The following BEST1 variants were observed in gnomAD, a reference collection of about 807,000 sequenced individuals.
BEST1 encodes bestrophin-1.
Under a neutral mutation model 63.3 loss-of-function variants are expected in BEST1, and 58 were observed. The ratio of observed to expected loss-of-function variants is 0.92; its 90% CI spans 0.74 to 1.14. The LOEUF (loss-of-function observed/expected upper bound fraction) is 1.14, where lower values mean the gene tolerates loss of function less well. Ranked by LOEUF, BEST1 falls within the 50% of genes most tolerant of loss-of-function variation. BEST1 has a pLI of 0.00. For synonymous variants in BEST1, 283 were observed against 291.6 expected (o/e 0.97, Z 0.30); for missense variants, 671 against 740.1 (o/e 0.91, Z 1.08).
At position 61,952,908 on chromosome 11, in the gene BEST1, C is replaced by T. The variant is rs868715895; in HGVS notation, c.152+950C>T. On this transcript the variant is annotated intron_variant, in intron 2 of 10. Coordinates refer to ENST00000378043, the MANE Select transcript of BEST1 (RefSeq NM_004183.4). Reference sequence around the variant, plus strand: ...GGATCACTTGAGCCTGGGAGTTCAGCGTGGGCAACATAGTGAGACCCCGTC... The same window carrying T: ...GGATCACTTGAGCCTGGGAGTTCAGTGTGGGCAACATAGTGAGACCCCGTC... Among the ~76,000 whole-genome samples the T allele has an allele frequency of 6.0e-5, 9 of 151,244 alleles. No homozygotes were observed. In the East Asian group the frequency reaches 1.4e-3, roughly 24 times the overall value.
intron 1 of BEST1, among the ~76,000 whole-genome samples, chr11:61,951,466 C>T (rs1371374544): frequency 6.6e-6 from 1 of 152,180 alleles, no homozygotes; most frequent in Non-Finnish European, 1.5e-5. Flanking sequence ...GCCTCGACTT[C>T]CCAAAGTGCT....
At position 61,962,761 on chromosome 11, in the gene BEST1, CTG is replaced by C. The variant is rs1432163473; in HGVS notation, c.1610_1611del (p.Val537GlyfsTer3). The C allele has an allele frequency of 1.9e-6, 3 of 1,614,192 alleles. No homozygotes were observed. The highest frequency in any genetic ancestry group is 1.3e-5 in the African/African-American group (1 of 75,048). ...GAAGTATCTCAAGTGAGGAGGAAAACTGTGGAGTTTAACCTGACGGATATGCC... is the reference window on the plus strand; with the variant it reads ...GAAGTATCTCAAGTGAGGAGGAAAACTGGAGTTTAACCTGACGGATATGCC... On this transcript the variant is annotated frameshift_variant, in exon 10 of 11. Transcript: ENST00000378043. LOFTEE classifies it high-confidence loss of function.
At chr11:61,958,888 A>C (rs2074499931) in intron 7 of BEST1, 3 of 86,566 alleles carry the variant, frequency 3.5e-5, no homozygotes, top group South Asian at 1.5e-4. Context: ...ACACACACAC[A>C]CACACACACA....
At chr11:61,951,719 G>C in intron 1 of BEST1, 52 bp from the exon 2 acceptor site, 1 of 1,567,992 alleles carries the variant, frequency 6.4e-7, no homozygotes. Flanking sequence ...GACAGGCTCT[G>C]ACCAGGGCCT....
At chr11:61,965,298 G>GT, downstream of BEST1, 4 of 1,606,042 alleles carry the variant, frequency 2.5e-6, no homozygotes, top group East Asian at 6.7e-5. Flanking sequence ...GCAATTGCTA[G>GT]TTTAAGTGAT....
chr11:61,962,211 C>T, intron 9 of BEST1, 44 bp from the exon 10 acceptor site: 1 of 1,607,408 alleles, frequency 6.2e-7, no homozygotes, highest in Non-Finnish European at 8.5e-7. Flanking sequence ...AGGTGTTGGT[C>T]CTTTGTCCAC....
rs545033578 is a variant in BEST1, at chr11:61,951,033, A to C, written c.-37+606A>C. ...GCTAGGTTCCATTATGGGAATGGGA[A>C]TATGGTGGTGGACAGGGCTGCCTGG... On this transcript the variant is annotated intron_variant, in intron 1 of 10. Coordinates refer to ENST00000378043, the MANE Select transcript of BEST1 (RefSeq NM_004183.4). Among the ~76,000 whole-genome samples, 5 of 152,252 alleles carry C rather than the reference A, an allele frequency of 3.3e-5. No homozygotes were observed. The South Asian group carries it at 1.0e-3, about 32-fold the overall frequency.
intron 9 of BEST1, chr11:61,962,016 T>C (rs1591310710): frequency 3.6e-6 from 2 of 560,840 alleles, no homozygotes; most frequent in East Asian, 2.9e-5. Context: ...GTTGCGGGGG[T>C]TGGATGTTAA....
At position 61,962,900 on chromosome 11, in the gene BEST1, C is replaced by T; in HGVS notation, c.1739+7C>T. On this transcript the variant is annotated splice_region_variant and intron_variant, in intron 10 of 10. Coordinates refer to ENST00000378043, the MANE Select transcript of BEST1 (RefSeq NM_004183.4). ...ATTGGGCCTTGGAAAACAGGTCTGT[C>T]CTCCACCTGAACCAGGGGCACTGCA... 4 of 1,614,160 alleles carry T rather than the reference C, an allele frequency of 2.5e-6. No individual in the cohort carries two copies. The highest frequency in any genetic ancestry group is 1.1e-5 in the South Asian group (1 of 91,086).
At chr11:61,952,459 C>CTTTT (rs34404535) in intron 2 of BEST1, among the ~76,000 whole-genome samples, 2 of 78,150 alleles carry the variant, frequency 2.6e-5, no homozygotes, top group Non-Finnish European at 4.8e-5. Flanking sequence ...CCACATGGTA[C>CTTTT]TTTTTTTTTT....
chr11:61,956,295 T>C (rs1447561260), intron 4 of BEST1, among the ~76,000 whole-genome samples: 1 of 152,156 alleles, frequency 6.6e-6, no homozygotes, highest in African/African-American at 2.4e-5. Flanking sequence ...GTTTCCACTC[T>C]GGAGGTATGG....
chr11:61,952,656 T>C (rs1379756717), intron 2 of BEST1, among the ~76,000 whole-genome samples: 2 of 150,342 alleles, frequency 1.3e-5, no homozygotes, highest in Admixed American at 1.3e-4. Context: ...TCTGTATTTT[T>C]AGTAGAGACA....
At chr11:61,956,467 C>T (rs1941372908) in intron 4 of BEST1, among the ~76,000 whole-genome samples, 1 of 152,068 alleles carries the variant, frequency 6.6e-6, no homozygotes, top group Non-Finnish European at 1.5e-5. Flanking sequence ...CCCTGAGCAA[C>T]ATAGCGAGAC....
chr11:61,961,466 C>G (rs1942058307), intron 9 of BEST1: 1 of 152,344 alleles, frequency 6.6e-6, no homozygotes, highest in Non-Finnish European at 1.5e-5. Flanking sequence ...GACTTTGAGC[C>G]CTACATGGTC....
intron 10 of BEST1, chr11:61,963,298 G>A (rs752234855): frequency 6.7e-5 from 92 of 1,363,324 alleles, no homozygotes; most frequent in Non-Finnish European, 7.9e-5. Flanking sequence ...GATGACAGAT[G>A]AACACTTCCC....
intron 9 of BEST1, chr11:61,961,488 A>G (rs1942059996): frequency 6.5e-6 from 1 of 152,688 alleles, no homozygotes; most frequent in African/African-American, 2.4e-5. Flanking sequence ...GTACCCCAGC[A>G]GCTGAAGGTT....
chr11:61,962,074 AG>A, intron 9 of BEST1, 180 bp from the exon 10 acceptor site: 1 of 648,592 alleles, frequency 1.5e-6, no homozygotes, highest in South Asian at 1.8e-5. Context: ...CTGGGCCTGG[AG>A]GGATCACCGG....
At chr11:61,965,134 C>T, downstream of BEST1, 1 of 1,602,740 alleles carries the variant, frequency 6.2e-7, no homozygotes, top group Non-Finnish European at 8.5e-7. Flanking sequence ...TAGGTTAATG[C>T]ATCTCTACCA....
intron 9 of BEST1, chr11:61,961,967 A>G (rs1591310404): frequency 2.1e-6 from 1 of 466,804 alleles, no homozygotes; most frequent in Admixed American, 3.4e-5. Flanking sequence ...TTACAGGGGA[A>G]GTGAATGATG....
Sources: gnomAD v4.1 joint callset for allele counts (sites outside exome capture counted in the v4.1 genomes callset) on GRCh38, gnomAD v4.1.1 for gene constraint, MANE v1.5 for transcripts, NCBI Gene and HGNC (gene_info 2026-07-23, HGNC 2026-07-21) for gene names.